Variants in SIM2 observed in about 807,000 individuals in gnomAD.
The protein encoded by SIM2 is SIM bHLH transcription factor 2, also known as single-minded homolog 2.
SIM2 carries 28 observed loss-of-function variants against 64.8 expected under a neutral mutation model. The ratio of observed to expected loss-of-function variants is 0.43; its 90% CI spans 0.32 to 0.59. SIM2 has a LOEUF of 0.59. Among genes scored for constraint, SIM2 ranks in the 20% least tolerant of loss-of-function variants. SIM2 has a pLI of 0.07. For synonymous variants in SIM2, 408 were observed against 391.1 expected (o/e 1.04, Z -0.51); for missense variants, 847 against 871.4 (o/e 0.97, Z 0.35).
rs1275196764 is a variant in SIM2 at position 36,749,529 on chromosome 21, C to T, written c.*1437C>T. ...CCCTACAGGGTGTCTGTCAGTGGGC[C>T]TCATGGTAAGAGTCACAATTTGCAA... On this transcript the variant is annotated 3_prime_UTR_variant, in exon 11 of 11. Transcript: ENST00000290399. The T allele has an allele frequency of 6.6e-6, 1 of 151,082 alleles. No individual in the cohort carries two copies. Among genetic ancestry groups the T allele is most frequent in the Non-Finnish European group, 1.5e-5 (1 of 67,944 alleles). 9.4% of individuals were successfully genotyped at this position (151,082 alleles called of 1,614,324 possible). A position where few individuals can be genotyped will look rare whatever the true frequency, so the allele number is the denominator to read the frequency against.
At chr21:36,744,084 A>G (rs1042163893) in intron 9 of SIM2, among the ~76,000 whole-genome samples, 2 of 152,126 alleles carry the variant, frequency 1.3e-5, no homozygotes, top group Non-Finnish European at 1.5e-5. Context: ...CTCCATCTCT[A>G]TTAAAAATAC....
chr21:36,741,693 A>T, intron 7 of SIM2, 24 bp from the exon 8 acceptor site: 2 of 1,610,368 alleles, frequency 1.2e-6, no homozygotes, highest in Non-Finnish European at 1.7e-6. Flanking sequence ...GCGTCTGAGG[A>T]CTCCTGTCAC....
chr21:36,748,073 T>C lies in SIM2; in HGVS notation c.1985T>C (p.Ile662Thr). The C allele has an allele frequency of 3.3e-6, 4 of 1,203,072 alleles. No homozygotes were observed. The highest frequency in any genetic ancestry group is 3.3e-4 in the Middle Eastern group (1 of 3,032). 74.5% of individuals were successfully genotyped at this position (1,203,072 alleles called of 1,614,324 possible). The change falls in exon 11 of 11, where the codon ATC becomes ACC. Residue 662 changes from isoleucine (I) to threonine (T), a missense_variant. This residue lies in a region of SIM2 where 447 missense variants were observed against 414.6 expected (regional missense o/e 1.08). Coordinates refer to ENST00000290399, the MANE Select transcript of SIM2 (RefSeq NM_005069.6). ...PLPHYLGASV[I>T]ITNGR ...CCGCACTACCTGGGCGCCTCGGTCA[T>C]CATCACCAACGGGAGGTGACCCGCT...
chr21:36,724,569 G>A (rs1410839181), intron 5 of SIM2, among the ~76,000 whole-genome samples: 1 of 152,198 alleles, frequency 6.6e-6, no homozygotes, highest in Admixed American at 6.5e-5. Flanking sequence ...AGGAGCCACC[G>A]CGCCTGGATG....
chr21:36,704,757 G>T (rs1487291840), intron 1 of SIM2, among the ~76,000 whole-genome samples: 1 of 152,228 alleles, frequency 6.6e-6, no homozygotes, highest in African/African-American at 2.4e-5. Flanking sequence ...GATACCCGCG[G>T]GCGACAAGCC....
Position 36,702,942 on chromosome 21 carries a change from G to GAA in SIM2, c.175+3033_175+3034dup, listed in dbSNP as rs571164346. Among the ~76,000 whole-genome samples the GAA allele has an allele frequency of 1.3e-3, 180 of 143,280 alleles. 2 individuals carry two copies. Among genetic ancestry groups the GAA allele is most frequent in the African/African-American group, 4.3e-3 (168 of 38,902 alleles). The allele number at this position is 143,280 out of a possible 152,430, so 94.0% of individuals were successfully genotyped here. ...GACCAGCTTAGGACTCTGGGAGGAA[G>GAA]AAAAAAAAAAAAAGAATAGCATAGT... On this transcript the variant is annotated intron_variant, in intron 1 of 10. Transcript: ENST00000290399.
chr21:36,744,657 TC>T (rs1276048856), intron 9 of SIM2, 70 bp from the exon 10 acceptor site: 3 of 1,496,152 alleles, frequency 2.0e-6, no homozygotes, highest in East Asian at 4.9e-5. Context: ...TCGGGACGGT[TC>T]TTGCAGGGCC....
At chr21:36,707,655 C>T (rs893015700) in intron 1 of SIM2, among the ~76,000 whole-genome samples, 4 of 151,938 alleles carry the variant, frequency 2.6e-5, no homozygotes, top group Non-Finnish European at 5.9e-5. Context: ...AGCCGCTGCC[C>T]TGGGCCGAGG....
chr21:36,722,959 C>G, intron 4 of SIM2, 86 bp from the exon 5 acceptor site: 1 of 1,021,304 alleles, frequency 9.8e-7, no homozygotes, highest in South Asian at 1.3e-5. Context: ...CTGCATCTGG[C>G]CCTGGGAACA....
At chr21:36,723,570 C>T (rs1053724746) in intron 5 of SIM2, among the ~76,000 whole-genome samples, 1 of 152,236 alleles carries the variant, frequency 6.6e-6, no homozygotes, top group Non-Finnish European at 1.5e-5. Context: ...TGCTAGCGCC[C>T]TTTCCAAGGT....
intron 7 of SIM2, among the ~76,000 whole-genome samples, chr21:36,738,781 C>T (rs993694832): frequency 1.2e-4 from 19 of 152,234 alleles, no homozygotes; most frequent in Admixed American, 1.2e-3. Context: ...AGCAAACCCC[C>T]AAAGGAGAAG....
At chr21:36,746,639 A>C (rs877686) in intron 10 of SIM2, among the ~76,000 whole-genome samples, 91,429 of 152,062 alleles carry the variant, frequency 0.6, 28,053 homozygotes, top group African/African-American at 0.7. Context: ...CAGGGCCAGG[A>C]CCCCTGCCTT....
chr21:36,735,647 G>A (rs1276539653), intron 7 of SIM2, among the ~76,000 whole-genome samples: 1 of 152,198 alleles, frequency 6.6e-6, no homozygotes, highest in African/African-American at 2.4e-5. Flanking sequence ...CTCAGGTCTG[G>A]ACGATGCTTT....
rs372063413 is a variant in SIM2 at position 36,729,745 on chromosome 21, G to T, written c.744-1300G>T. ...TTCTTGAAAATCTATCACCAAGATGGTGAGGACCACCTCCTTCGAGGACAT... is the reference window on the plus strand; with the variant it reads ...TTCTTGAAAATCTATCACCAAGATGTTGAGGACCACCTCCTTCGAGGACAT... On this transcript the variant is annotated intron_variant, in intron 6 of 10. Transcript: ENST00000290399. Among the ~76,000 whole-genome samples, 10 of 152,236 alleles carry T rather than the reference G, an allele frequency of 6.6e-5. 1 individual carries two copies. The highest frequency in any genetic ancestry group is 2.6e-4 in the Admixed American group (4 of 15,294).
chr21:36,720,778 G>T (rs1241526099), intron 4 of SIM2, among the ~76,000 whole-genome samples: 1 of 152,208 alleles, frequency 6.6e-6, no homozygotes, highest in Non-Finnish European at 1.5e-5. Flanking sequence ...TGTGATGAGT[G>T]CTAGGAAGAT....
chr21:36,723,187 T>C, intron 5 of SIM2, 57 bp downstream of exon 5: 2 of 1,407,144 alleles, frequency 1.4e-6, no homozygotes, highest in Non-Finnish European at 1.0e-6. Flanking sequence ...ATGTGTGTTT[T>C]CAAGAGCGTC....
intron 3 of SIM2, among the ~76,000 whole-genome samples, chr21:36,713,442 T>C (rs2245888): frequency 0.79 from 119,867 of 152,196 alleles, 47,959 homozygotes; most frequent in African/African-American, 0.94. Context: ...TTAACAAATG[T>C]GGATCATGAT....
chr21:36,700,184 T>A (rs1252227907), intron 1 of SIM2, among the ~76,000 whole-genome samples: 1 of 152,182 alleles, frequency 6.6e-6, no homozygotes, highest in Non-Finnish European at 1.5e-5. Context: ...GGGCAGGCAG[T>A]CCCCCAGCCC....
rs780671500 is a variant in SIM2, at chr21:36,709,238, G to C, written c.246G>C (p.Ser82=). 6.2e-7 allele frequency: 1 copy of C among 1,605,042 alleles called. No homozygotes were observed. The highest frequency in any genetic ancestry group is 8.5e-7 in the Non-Finnish European group (1 of 1,176,282). The part of the protein sequence containing the change: ...PLDGVAKELG[S]HLLQTLDGFV... ...ACGGCGTCGCCAAGGAGCTGGGATC[G>C]CACTTGCTGCAGGTAGAGCGGCCTC... The change falls in exon 2 of 11, where the codon TCG becomes TCC. Residue 82 remains serine, a synonymous_variant. Transcript: ENST00000290399.
Sources: gnomAD v4.1 joint callset for allele counts (sites outside exome capture counted in the v4.1 genomes callset) on GRCh38, gnomAD v4.1.1 for gene constraint, gnomAD v4.1.1 regional missense constraint, MANE v1.5 for transcripts, NCBI Gene and HGNC (gene_info 2026-07-23, HGNC 2026-07-21) for gene names.